Variants in SGSM3 observed in about 807,000 individuals in gnomAD.
The protein encoded by SGSM3 is small G protein signaling modulator 3, also known as RUN and SH3 containing 3.
SGSM3 carries 96 observed loss-of-function variants against 100.5 expected under a neutral mutation model. The observed-to-expected ratio is 0.96, with a 90% confidence interval of 0.81 to 1.13. The LOEUF (loss-of-function observed/expected upper bound fraction) is 1.13. SGSM3 is among the 50% of genes most tolerant of loss of function. The pLI, the probability that SGSM3 is intolerant of heterozygous loss-of-function variation, is 0.00. For missense variants in SGSM3, 1,001 were observed against 1,015.8 expected, an observed-to-expected ratio of 0.99 and a Z score of 0.20; for synonymous variants, 483 against 422.8, an observed-to-expected ratio of 1.14 and a Z score of -1.75.
chr22:40,405,775 C>T lies in SGSM3; in HGVS notation c.745C>T (p.Arg249Trp), dbSNP rs151285491. The change falls in exon 8 of 22, where the codon CGG becomes TGG. Residue 249 changes from arginine to tryptophan, a missense_variant. Physicochemically the swap from Arg to Trp is moderately radical, Grantham distance 101. Coordinates refer to ENST00000248929, the MANE Select transcript of SGSM3 (RefSeq NM_015705.6). ...CCTGCTGGGTGTCCAGACTGACCAG[C>T]GGGTCCTGCGCCACCTCATTGTCCA... ...TTLLGVQTDQ[R>W]VLRHLIVQYL... The T allele has an allele frequency of 1.2e-5, 19 of 1,613,588 alleles. No homozygotes were observed. The African/African-American group carries it at 1.2e-4, about 10-fold the overall frequency.
chr22:40,371,601 G>T (rs2045496400), intron 1 of SGSM3, among the ~76,000 whole-genome samples: 1 of 152,040 alleles, frequency 6.6e-6, no homozygotes, highest in African/African-American at 2.4e-5. Context: ...TGCTCTTTTA[G>T]TTCCAATTAT....
Position 40,405,044 on chromosome 22 carries a change from A to C in SGSM3, c.475-97A>C. The C allele has an allele frequency of 7.8e-6, 11 of 1,411,954 alleles. No homozygotes were observed. In the South Asian group the frequency reaches 1.6e-4, roughly 21 times the overall value. 87.5% of individuals were successfully genotyped at this position (1,411,954 alleles called of 1,614,324 possible). On this transcript the variant is annotated intron_variant, in intron 6 of 21. Transcript: ENST00000248929. ...GGTGACCTTGATCAGGAACACAAGG[A>C]ATCCCCATTTCTGGGGGAGAAGCCC...
chr22:40,409,756 G>A lies in SGSM3; in HGVS notation c.2247G>A (p.Gly749=). Residue 749 remains glycine (G), a synonymous_variant, in exon 22 of 22, where the codon GGG becomes GGA. Transcript: ENST00000248929. ...ACCTCTTCAGCTGGGATGTGGACGGGTGACCCCCTCCTCCCCAGCCCAACC... is the reference window on the plus strand; with the variant it reads ...ACCTCTTCAGCTGGGATGTGGACGGATGACCCCCTCCTCCCCAGCCCAACC... The part of the protein sequence containing the change: ...KHHLFSWDVD[G] 1 of 1,607,140 alleles carries A rather than the reference G, an allele frequency of 6.2e-7. No homozygotes were observed. Among genetic ancestry groups the A allele is most frequent in the Non-Finnish European group, 8.5e-7 (1 of 1,179,106 alleles).
In SGSM3 at chr22:40,406,079, G is replaced by A. The variant is rs1320991971; in HGVS notation, c.816G>A (p.Glu272=). 6.2e-6 allele frequency: 10 copies of A among 1,613,552 alleles called. No individual in the cohort carries two copies. Among genetic ancestry groups the A allele is most frequent in the Admixed American group, 1.7e-5 (1 of 59,992 alleles). ...CGGCTTTGGCTCCTGTGTTTACAGA[G>A]CTGTCCCTGATCACACTGCACTGGT... The part of the protein sequence containing the change: ...LDKLLQEHDI[E]LSLITLHWFL... The change falls in exon 9 of 22, where the codon GAG becomes GAA. Residue 272 remains glutamate, a splice_region_variant and synonymous_variant. Coordinates refer to ENST00000248929, the MANE Select transcript of SGSM3 (RefSeq NM_015705.6).
chr22:40,397,283 C>G (rs1181124847), intron 1 of SGSM3, among the ~76,000 whole-genome samples: 1 of 152,088 alleles, frequency 6.6e-6, no homozygotes, highest in Non-Finnish European at 1.5e-5. Flanking sequence ...TATCCAGAAT[C>G]TGGCTGGGTG....
In SGSM3 at chr22:40,409,486, C is replaced by G; in HGVS notation, c.2133C>G (p.Phe711Leu). The G allele has an allele frequency of 6.3e-7, 1 of 1,586,132 alleles. No individual in the cohort carries two copies. Among genetic ancestry groups the G allele is most frequent in the East Asian group, 2.3e-5 (1 of 44,414 alleles). Residue 711 changes from phenylalanine to leucine, a missense_variant, in exon 21 of 22, where the codon TTC becomes TTG. Coordinates refer to ENST00000248929, the MANE Select transcript of SGSM3 (RefSeq NM_015705.6). ...CTAGAGTCCTCTGCTGCTTTGCCTT[C>G]AGCCTCTCCCAGGACTGGGAGCTCC... is the stretch of plus-strand genomic sequence containing the variant. ...CELRVLCCFA[F>L]SLSQDWELPA... is the part of the protein sequence containing the mutation.
intron 5 of SGSM3, 33 bp from the exon 6 acceptor site, chr22:40,404,524 A>T (rs1197609033): frequency 6.2e-7 from 1 of 1,611,358 alleles, no homozygotes; most frequent in African/African-American, 1.3e-5. Flanking sequence ...GTCACGAGAA[A>T]GACTGAGTGC....
At chr22:40,387,215 A>C in intron 1 of SGSM3, 1 of 398,544 alleles carries the variant, frequency 2.5e-6, no homozygotes. Flanking sequence ...TCCTTCTTTC[A>C]TAGGTTTCCT....
rs375517191 is a variant in SGSM3, at chr22:40,408,610, G to C, written c.1783-17G>C. The C allele has an allele frequency of 2.3e-5, 37 of 1,613,472 alleles. No homozygotes were observed. The highest frequency in any genetic ancestry group is 3.1e-5 in the Non-Finnish European group (37 of 1,179,804). ...ATCTTCCTGTCCCTGCACTCACACCGTGTGCTGTCCCCACAGGCTGCAGGC... is the reference window on the plus strand; with the variant it reads ...ATCTTCCTGTCCCTGCACTCACACCCTGTGCTGTCCCCACAGGCTGCAGGC... On this transcript the variant is annotated splice_polypyrimidine_tract_variant and intron_variant, in intron 16 of 21. Transcript: ENST00000248929.
rs759739566 is a variant in SGSM3, at chr22:40,405,015, G to A, written c.475-126G>A. The A allele has an allele frequency of 3.8e-6, 5 of 1,307,208 alleles. No homozygotes were observed. In the East Asian group the frequency reaches 7.6e-5, roughly 20 times the overall value. The allele number at this position is 1,307,208 out of a possible 1,614,324, so 81.0% of individuals were successfully genotyped here. A position where few individuals can be genotyped will look rare whatever the true frequency, so the allele number is the denominator to read the frequency against. On this transcript the variant is annotated intron_variant, in intron 6 of 21. Coordinates refer to ENST00000248929, the MANE Select transcript of SGSM3 (RefSeq NM_015705.6). The stretch of plus-strand genomic sequence containing the variant: ...TGGCTGGGAGCTGACCCTGAAGGGA[G>A]GAGGGTGACCTTGATCAGGAACACA...
At chr22:40,371,469 A>G (rs1363712388) in intron 1 of SGSM3, among the ~76,000 whole-genome samples, 1 of 152,156 alleles carries the variant, frequency 6.6e-6, no homozygotes, top group African/African-American at 2.4e-5. Flanking sequence ...CTTTCTTAGT[A>G]AATTCAAGTC....
Position 40,404,610 on chromosome 22 carries a change from C to G in SGSM3, c.420C>G (p.Ser140=). Residue 140 remains serine (S), a synonymous_variant, in exon 6 of 22, where the codon TCC becomes TCG. Transcript: ENST00000248929. Reference sequence around the variant, plus strand: ...AGAAGAAGAGGAACTCTGAGCTGTCCTACCGCGAGATTGTGAAGAACAGCT... The same window carrying G: ...AGAAGAAGAGGAACTCTGAGCTGTCGTACCGCGAGATTGTGAAGAACAGCT... The part of the protein sequence containing the change: ...ALQKKRNSEL[S]YREIVKNSSN... 1 of 1,613,764 alleles carries G rather than the reference C, an allele frequency of 6.2e-7. No homozygotes were observed. The highest frequency in any genetic ancestry group is 8.5e-7 in the Non-Finnish European group (1 of 1,179,902).
chr22:40,401,728 A>C, intron 3 of SGSM3, 53 bp downstream of exon 3: 1 of 1,494,666 alleles, frequency 6.7e-7, no homozygotes, highest in Non-Finnish European at 9.3e-7. Context: ...TGTGGTATGA[A>C]GGGGACCCAG....
At chr22:40,396,500 G>A (rs1442488120) in intron 1 of SGSM3, among the ~76,000 whole-genome samples, 5 of 151,368 alleles carry the variant, frequency 3.3e-5, no homozygotes, top group African/African-American at 1.2e-4. Flanking sequence ...GGCTGAGGCA[G>A]GAGAATCGCT....
intron 1 of SGSM3, chr22:40,390,313 GC>G: frequency 6.6e-6 from 1 of 152,286 alleles, no homozygotes; most frequent in East Asian, 1.9e-4. Context: ...CCAACATGTA[GC>G]CTTTATTTTA....
intron 1 of SGSM3, among the ~76,000 whole-genome samples, chr22:40,390,921 GTCAGCCCCT>G (rs1480696426): frequency 1.3e-5 from 2 of 152,082 alleles, no homozygotes; most frequent in African/African-American, 4.8e-5. Context: ...TCATCAAACA[GTCAGCCCCT>G]GCCACATGTC....
Position 40,401,623 on chromosome 22 carries a change from C to T in SGSM3, c.38C>T (p.Ser13Leu). Residue 13 changes from serine (S) to leucine (L), a missense_variant, in exon 3 of 22, where the codon TCA (serine) becomes TTA (leucine). Physicochemically the swap from Ser to Leu is moderately radical, Grantham distance 145. Transcript: ENST00000248929. ...GSHTPACGPFSALTPSIWPQE... is the reference protein window; with the variant it reads ...GSHTPACGPFLALTPSIWPQE... ...CATACACCTGCCTGTGGCCCTTTCT[C>T]AGCCCTGACTCCGAGCATATGGCCC... 6.2e-7 allele frequency: 1 copy of T among 1,613,430 alleles called. No individual in the cohort carries two copies. The highest frequency in any genetic ancestry group is 8.5e-7 in the Non-Finnish European group (1 of 1,179,526).
chr22:40,394,908 A>G (rs2034253073), intron 1 of SGSM3, among the ~76,000 whole-genome samples: 1 of 152,182 alleles, frequency 6.6e-6, no homozygotes, highest in South Asian at 2.1e-4. Context: ...TCTTCATGGC[A>G]TGTATTATTA....
chr22:40,401,847 AC>A, intron 3 of SGSM3, among the ~76,000 whole-genome samples, 172 bp downstream of exon 3: 1 of 152,360 alleles, frequency 6.6e-6, no homozygotes, highest in East Asian at 1.9e-4. Flanking sequence ...CCACTGTGGC[AC>A]TATGCTCTCA....
Sources: gnomAD v4.1 joint callset for allele counts (sites outside exome capture counted in the v4.1 genomes callset) on GRCh38, gnomAD v4.1.1 for gene constraint, MANE v1.5 for transcripts, NCBI Gene and HGNC (gene_info 2026-07-23, HGNC 2026-07-21) for gene names.